The following DTWD2 variants were observed in gnomAD, a reference collection of about 807,000 sequenced individuals.
The protein encoded by DTWD2 is DTW motif tRNA-uridine aminocarboxypropyltransferase 2.
Under a neutral mutation model 31.8 loss-of-function variants are expected in DTWD2, and 39 were observed. The observed-to-expected ratio is 1.22, with a 90% CI of 0.95 to 1.60. The LOEUF (loss-of-function observed/expected upper bound fraction) is 1.60. DTWD2 is among the 40% of genes most tolerant of loss of function. DTWD2 has a pLI of 0.00. For missense variants in DTWD2, 515 were observed against 381.5 expected, an observed-to-expected ratio of 1.35 and a Z score of -2.92; for synonymous variants, 180 against 142.8, an observed-to-expected ratio of 1.26 and a Z score of -1.86.
At chr5:118,888,544 C>A (rs954879483) in intron 4 of DTWD2, among the ~76,000 whole-genome samples, 1 of 152,172 alleles carries the variant, frequency 6.6e-6, no homozygotes, top group Non-Finnish European at 1.5e-5. Flanking sequence ...GGGGCTATTA[C>A]AATTAAAGCT....
At chr5:118,986,808 T>G (rs1755437873) in intron 1 of DTWD2, among the ~76,000 whole-genome samples, 1 of 152,112 alleles carries the variant, frequency 6.6e-6, no homozygotes, top group South Asian at 2.1e-4. Flanking sequence ...ATAAGCAAAG[T>G]GTAGAATTAT....
At chr5:118,900,871 C>G (rs1753190929) in intron 4 of DTWD2, among the ~76,000 whole-genome samples, 1 of 151,446 alleles carries the variant, frequency 6.6e-6, no homozygotes, top group Admixed American at 6.6e-5. Context: ...CTTGCAGTGA[C>G]CCGAGATCAC....
chr5:118,883,941 T>C (rs144364437), intron 4 of DTWD2, among the ~76,000 whole-genome samples: 84 of 152,346 alleles, frequency 5.5e-4, no homozygotes, highest in African/African-American at 1.6e-3. Flanking sequence ...TTTATAGTTC[T>C]GTAAGTAATG....
intron 4 of DTWD2, among the ~76,000 whole-genome samples, chr5:118,863,704 G>C (rs1472450388): frequency 6.6e-6 from 1 of 152,104 alleles, no homozygotes; most frequent in African/African-American, 2.4e-5. Flanking sequence ...GGTAATTTTG[G>C]ACATTCTCAT....
chr5:118,945,601 A>G (rs1412293993), intron 1 of DTWD2, among the ~76,000 whole-genome samples: 1 of 151,904 alleles, frequency 6.6e-6, no homozygotes. Flanking sequence ...CCCAACTCTA[A>G]TAAAAATGCA....
chr5:118,932,353 C>T (rs1326938154), intron 3 of DTWD2, among the ~76,000 whole-genome samples: 6 of 146,744 alleles, frequency 4.1e-5, no homozygotes, highest in Non-Finnish European at 7.5e-5. Context: ...TAGAGAAAGA[C>T]GAGCAATTTA....
chr5:118,898,733 G>A (rs1004776248), intron 4 of DTWD2, among the ~76,000 whole-genome samples: 8 of 150,362 alleles, frequency 5.3e-5, no homozygotes, highest in Non-Finnish European at 7.4e-5. Flanking sequence ...AAACAGTTAC[G>A]AAAATCTACA....
intron 4 of DTWD2, among the ~76,000 whole-genome samples, chr5:118,848,544 T>C (rs1481461229): frequency 1.3e-5 from 2 of 152,146 alleles, no homozygotes; most frequent in Non-Finnish European, 2.9e-5. Flanking sequence ...CATGATCTAA[T>C]GTAAATTAAA....
intron 4 of DTWD2, among the ~76,000 whole-genome samples, chr5:118,913,555 T>G (rs900653816): frequency 4.6e-5 from 7 of 151,636 alleles, no homozygotes; most frequent in Non-Finnish European, 1.0e-4. Context: ...AAAACCAAAC[T>G]GTATTTCACT....
At chr5:118,988,127 T>TA (rs1755470250) in intron 1 of DTWD2, 167 bp downstream of exon 1, 2 of 818,660 alleles carry the variant, frequency 2.4e-6, no homozygotes, top group Admixed American at 2.0e-5. Flanking sequence ...AAGGGCTTCT[T>TA]ACTAGGTAGC....
intron 1 of DTWD2, among the ~76,000 whole-genome samples, chr5:118,960,847 C>G (rs1754689175): frequency 6.6e-6 from 1 of 152,124 alleles, no homozygotes; most frequent in South Asian, 2.1e-4. Flanking sequence ...ACTGCATATT[C>G]TCACTTATCA....
Position 118,840,313 on chromosome 5 carries a change from A to C in DTWD2, c.*604T>G, listed in dbSNP as rs1468850768. On this transcript the variant is annotated 3_prime_UTR_variant, in exon 6 of 6. Transcript: ENST00000510708. ...GTGATTACAAATGAAAATGTGTGCT[A>C]TTTCAAAATTACATGCACCTCTTTA... 3 of 152,188 alleles carry C rather than the reference A, an allele frequency of 2.0e-5. No homozygotes were observed. The highest frequency in any genetic ancestry group is 4.4e-5 in the Non-Finnish European group (3 of 68,008). The allele number at this position is 152,188 out of a possible 1,614,324, so 9.4% of individuals were successfully genotyped here. A position where few individuals can be genotyped will look rare whatever the true frequency, so the allele number is the denominator to read the frequency against.
intron 1 of DTWD2, among the ~76,000 whole-genome samples, chr5:118,977,515 A>C (rs1755192450): frequency 6.6e-6 from 1 of 152,202 alleles, no homozygotes; most frequent in African/African-American, 2.4e-5. Flanking sequence ...CAATGTGCAA[A>C]AATCACAAGC....
intron 3 of DTWD2, among the ~76,000 whole-genome samples, chr5:118,938,845 GAAAA>G (rs1173603042): frequency 2.4e-5 from 2 of 82,628 alleles, no homozygotes; most frequent in African/African-American, 7.8e-5. Context: ...AGATATTTAA[GAAAA>G]AAAAAAAAAA....
At chr5:118,853,886 A>C (rs1475830704) in intron 4 of DTWD2, among the ~76,000 whole-genome samples, 1 of 152,190 alleles carries the variant, frequency 6.6e-6, no homozygotes, top group Non-Finnish European at 1.5e-5. Context: ...TTTAATACTT[A>C]AGTTTAGGGG....
intron 4 of DTWD2, among the ~76,000 whole-genome samples, chr5:118,886,012 A>G (rs564303054): frequency 6.6e-6 from 1 of 152,226 alleles, no homozygotes; most frequent in African/African-American, 2.4e-5. Context: ...CCTAATCACC[A>G]CCTGTGAAAA....
chr5:118,843,201 T>C (rs1325619855), intron 5 of DTWD2, among the ~76,000 whole-genome samples: 2 of 151,628 alleles, frequency 1.3e-5, no homozygotes, highest in Non-Finnish European at 2.9e-5. Flanking sequence ...GTGATCCACC[T>C]GCCTCGGCCT....
At chr5:118,911,528 C>T (rs1753458126) in intron 4 of DTWD2, among the ~76,000 whole-genome samples, 2 of 152,136 alleles carry the variant, frequency 1.3e-5, no homozygotes, top group Non-Finnish European at 1.5e-5. Context: ...GAATTGAAAA[C>T]GGAATCATGA....
In DTWD2 at chr5:118,983,845, C is replaced by T. The variant is rs555720636; in HGVS notation, c.218+4449G>A. 7.2e-5 allele frequency among the ~76,000 whole-genome samples: 11 copies of T among 152,290 alleles called. No individual in the cohort carries two copies. In the East Asian group the frequency reaches 1.5e-3, roughly 21 times the overall value. On this transcript the variant is annotated intron_variant, in intron 1 of 5. Transcript: ENST00000510708. Reference sequence around the variant, plus strand: ...GCTACCTGCCTGTTACCTGTATTTCCTCATCATTTAAAAGCAAACAGTAGC... The same window carrying T: ...GCTACCTGCCTGTTACCTGTATTTCTTCATCATTTAAAAGCAAACAGTAGC...
Sources: gnomAD v4.1 joint callset for allele counts (sites outside exome capture counted in the v4.1 genomes callset) on GRCh38, gnomAD v4.1.1 for gene constraint, MANE v1.5 for transcripts, NCBI Gene and HGNC (gene_info 2026-07-23, HGNC 2026-07-21) for gene names.